Variants in SAXO2 observed in about 807,000 individuals in gnomAD.
The protein encoded by SAXO2 is stabilizer of axonemal microtubules 2, also known as family with sequence similarity 154, member B.
In SAXO2, 17 loss-of-function variants were observed where a neutral mutation model predicts 18.7. The observed-to-expected ratio is 0.91, with a 90% CI of 0.62 to 1.36. The LOEUF is 1.36. Ranked by LOEUF, SAXO2 falls within the 40% of genes most tolerant of loss-of-function variation. The pLI, the probability that SAXO2 is intolerant of heterozygous loss-of-function variation, is 0.00. For missense variants in SAXO2, 486 were observed against 562.6 expected (o/e 0.86, Z 1.38); for synonymous variants, 163 against 181.2 (o/e 0.90, Z 0.81).
chr15:82,275,306 A>G (rs954322045), intron 3 of SAXO2, among the ~76,000 whole-genome samples: 2 of 149,522 alleles, frequency 1.3e-5, no homozygotes, highest in Non-Finnish European at 3.0e-5. Flanking sequence ...AAAAAAAAAA[A>G]TGCCCCAGAC....
At chr15:82,276,278 T>G (rs1055447009) in intron 3 of SAXO2, among the ~76,000 whole-genome samples, 1 of 152,156 alleles carries the variant, frequency 6.6e-6, no homozygotes, top group African/African-American at 2.4e-5. Flanking sequence ...GAAGATTCAA[T>G]ATCATTAAAA....
Position 82,283,908 on chromosome 15 carries a change from T to C in SAXO2, c.*846T>C, listed in dbSNP as rs1349008847. ...GTTCAATCTATTGGCCAGGCTGCTA[T>C]TGAATCCCACCTTGGCTTCCCAAAG... On this transcript the variant is annotated 3_prime_UTR_variant, in exon 4 of 4. Coordinates refer to ENST00000682753, the MANE Select transcript of SAXO2 (RefSeq NM_001348699.2). 6.6e-6 allele frequency: 1 copy of C among 152,224 alleles called. No homozygotes were observed. Among genetic ancestry groups the C allele is most frequent in the Non-Finnish European group, 1.5e-5 (1 of 68,046 alleles). 9.4% of individuals were successfully genotyped at this position (152,224 alleles called of 1,614,324 possible). A position where few individuals can be genotyped will look rare whatever the true frequency, so the allele number is the denominator to read the frequency against.
In SAXO2 at chr15:82,262,952, G is replaced by T; in HGVS notation, c.53+20G>T. 6.3e-7 allele frequency: 1 copy of T among 1,591,010 alleles called. No individual in the cohort carries two copies. ...CTGCGGGTAAGAAACGGCTGGTGTA[G>T]CGGCGGGCCCGGGCTTGGGAGCCGA... On this transcript the variant is annotated intron_variant, in intron 1 of 3. Transcript: ENST00000682753.
intron 3 of SAXO2, among the ~76,000 whole-genome samples, chr15:82,279,728 A>G (rs187610766): frequency 2.6e-5 from 4 of 152,318 alleles, no homozygotes; most frequent in African/African-American, 9.6e-5. Flanking sequence ...GTACCACAAG[A>G]CACCACAGGG....
At chr15:82,277,809 A>C (rs532368840) in intron 3 of SAXO2, among the ~76,000 whole-genome samples, 12 of 152,312 alleles carry the variant, frequency 7.9e-5, no homozygotes, top group African/African-American at 2.9e-4. Context: ...TTACATCTTT[A>C]ATTGCTAAAG....
At chr15:82,271,915 T>G in intron 3 of SAXO2, 113 bp downstream of exon 3, 1 of 863,518 alleles carries the variant, frequency 1.2e-6, no homozygotes, top group Non-Finnish European at 1.8e-6. Context: ...CCTCCATGGC[T>G]TAGGAAAGAA....
intron 1 of SAXO2, chr15:82,264,903 C>T: frequency 1.7e-6 from 1 of 595,038 alleles, no homozygotes; most frequent in South Asian, 2.1e-5. Flanking sequence ...TTATGTAGCT[C>T]TCTTCTGAAT....
chr15:82,280,853 TGTCA>T (rs1308232921), intron 3 of SAXO2, among the ~76,000 whole-genome samples: 1 of 152,234 alleles, frequency 6.6e-6, no homozygotes, highest in Non-Finnish European at 1.5e-5. Flanking sequence ...TCATCTTTTC[TGTCA>T]GTTTGTCTTA....
chr15:82,275,906 TAATC>T (rs958471167), intron 3 of SAXO2, among the ~76,000 whole-genome samples: 24 of 151,824 alleles, frequency 1.6e-4, no homozygotes, highest in African/African-American at 5.3e-4. Context: ...ATATTTAACA[TAATC>T]AAGCAAGAGA....
chr15:82,271,830 G>A (rs375024074), intron 3 of SAXO2, 28 bp downstream of exon 3: 229 of 1,577,094 alleles, frequency 1.5e-4, no homozygotes, highest in Middle Eastern at 1.3e-3. Context: ...ACATGAAGGA[G>A]CCAAAAAACT....
Position 82,271,710 on chromosome 15 carries a change from T to C in SAXO2, c.341T>C (p.Leu114Ser). ...CTTGGTACTACCTACAAACGGGATTTGAATTCGTATAAAGTGCAGCCTGTG... is the reference window on the plus strand; with the variant it reads ...CTTGGTACTACCTACAAACGGGATTCGAATTCGTATAAAGTGCAGCCTGTG... Reference protein sequence around the residue: ...IDLGTTYKRDLNSYKVQPVAI... With the variant: ...IDLGTTYKRDSNSYKVQPVAI... Residue 114 changes from leucine to serine, a missense_variant, in exon 3 of 4, where the codon TTG (leucine) becomes TCG (serine). Transcript: ENST00000682753. The C allele has an allele frequency of 6.2e-7, 1 of 1,614,118 alleles. No homozygotes were observed. Among genetic ancestry groups the C allele is most frequent in the South Asian group, 1.1e-5 (1 of 91,080 alleles).
At chr15:82,268,174 AT>A (rs1000113023) in intron 2 of SAXO2, among the ~76,000 whole-genome samples, 42 of 152,220 alleles carry the variant, frequency 2.8e-4, no homozygotes, top group African/African-American at 8.9e-4. Flanking sequence ...ATTTATTAAT[AT>A]TTTTTTCTTG....
At chr15:82,267,455 C>T (rs1267761305) in intron 2 of SAXO2, among the ~76,000 whole-genome samples, 1 of 152,122 alleles carries the variant, frequency 6.6e-6, no homozygotes, top group African/African-American at 2.4e-5. Flanking sequence ...TAAGCATTTC[C>T]CAGCTTCACT....
rs1567086394 is a variant in SAXO2, at chr15:82,264,067, G to GTTT, written c.53+1135_53+1136insTTT. 1.6e-4 allele frequency among the ~76,000 whole-genome samples: 21 copies of GTTT among 134,132 alleles called. 5 individuals are homozygous for GTTT. Among genetic ancestry groups the GTTT allele is most frequent in the East Asian group, 2.1e-4 (1 of 4,814 alleles). The allele number at this position is 134,132 out of a possible 152,430, so 88.0% of individuals were successfully genotyped here. ...TTAAGACTTGTTTTACATATGCATT[G>GTTT]ATTTTTTTTTTTTTTTTTTTTTGAG... On this transcript the variant is annotated intron_variant, in intron 1 of 3. Transcript: ENST00000682753.
chr15:82,265,712 C>T lies in SAXO2; in HGVS notation c.197C>T (p.Ala66Val). The change falls in exon 2 of 4, where the codon GCA becomes GTA. Residue 66 changes from alanine to valine, a missense_variant. Physicochemically the swap from Ala to Val is moderately conservative, Grantham distance 64. Coordinates refer to ENST00000682753, the MANE Select transcript of SAXO2 (RefSeq NM_001348699.2). The part of the protein sequence containing the change: ...QSLKAKQEIR[A>V]CHGKMEGITT... ...CTTAAAGCCAAGCAAGAAATTCGAG[C>T]ATGCCATGGTAAAATGGAAGGAATA... 1 of 1,529,508 alleles carries T rather than the reference C, an allele frequency of 6.5e-7. No individual in the cohort carries two copies. Among genetic ancestry groups the T allele is most frequent in the Non-Finnish European group, 8.7e-7 (1 of 1,144,536 alleles). 94.7% of individuals were successfully genotyped at this position (1,529,508 alleles called of 1,614,324 possible). A position where few individuals can be genotyped will look rare whatever the true frequency, so the allele number is the denominator to read the frequency against.
chr15:82,270,048 C>T (rs1378024613), intron 2 of SAXO2, among the ~76,000 whole-genome samples: 1 of 152,106 alleles, frequency 6.6e-6, no homozygotes, highest in Non-Finnish European at 1.5e-5. Flanking sequence ...GAGTTGCCAT[C>T]GAATCCAATG....
chr15:82,268,699 T>G (rs1484622600), intron 2 of SAXO2, among the ~76,000 whole-genome samples: 1 of 152,204 alleles, frequency 6.6e-6, no homozygotes, highest in African/African-American at 2.4e-5. Context: ...TTTGGATCCT[T>G]TATAGCAGTA....
chr15:82,277,364 T>A (rs1356680427), intron 3 of SAXO2, among the ~76,000 whole-genome samples: 1 of 152,148 alleles, frequency 6.6e-6, no homozygotes. Context: ...GATATTATTT[T>A]AAAAAATATG....
chr15:82,263,378 G>A, intron 1 of SAXO2: 1 of 752,138 alleles, frequency 1.3e-6, no homozygotes, highest in Non-Finnish European at 2.3e-6. Context: ...CTCCCAGCCA[G>A]ACCATATTCC....
Sources: allele counts gnomAD v4.1 joint callset (sites outside exome capture counted in the v4.1 genomes callset), GRCh38; gene constraint gnomAD v4.1.1; transcripts MANE v1.5; gene names NCBI Gene and HGNC (gene_info 2026-07-23, HGNC 2026-07-21).